The following PTPRD variants were observed in gnomAD, a reference collection of about 807,000 sequenced individuals.
PTPRD encodes the protein protein tyrosine phosphatase receptor type D, also known as receptor-type tyrosine-protein phosphatase delta.
In PTPRD, 34 loss-of-function variants were observed where a neutral mutation model predicts 214.5. That is an observed-to-expected ratio of 0.16 (90% confidence interval 0.12 to 0.21). The LOEUF (loss-of-function observed/expected upper bound fraction) is 0.21, where lower values mean the gene tolerates loss of function less well. PTPRD is among the 10% of genes least tolerant of loss of function. The pLI, the probability that PTPRD is intolerant of heterozygous loss-of-function variation, is 1.00. For synonymous variants in PTPRD, 1,128 were observed against 845.7 expected (o/e 1.33, Z -5.79); for missense variants, 2,545 against 2,398.7 (o/e 1.06, Z -1.27).
chr9:10,211,649 C>T (rs1454484516), intron 3 of PTPRD, among the ~76,000 whole-genome samples: 1 of 152,086 alleles, frequency 6.6e-6, no homozygotes, highest in East Asian at 1.9e-4. Context: ...TCTTTTGCCC[C>T]AACATGGATG....
chr9:9,163,933 T>G (rs2099895983), intron 10 of PTPRD, among the ~76,000 whole-genome samples: 1 of 152,188 alleles, frequency 6.6e-6, no homozygotes, highest in Non-Finnish European at 1.5e-5. Context: ...CTTCAAGTCT[T>G]ATGTTACATA....
At chr9:9,340,920 T>C (rs1596044463) in intron 9 of PTPRD, among the ~76,000 whole-genome samples, 1 of 152,172 alleles carries the variant, frequency 6.6e-6, no homozygotes, top group East Asian at 1.9e-4. Context: ...ACAGTGATAG[T>C]AACAGCAGTT....
At chr9:8,757,128 T>G (rs1021142791) in intron 11 of PTPRD, among the ~76,000 whole-genome samples, 4 of 152,140 alleles carry the variant, frequency 2.6e-5, no homozygotes, top group African/African-American at 9.6e-5. Flanking sequence ...GGCAACAGAG[T>G]GAGACTCCAT....
chr9:8,968,110 T>C (rs546048018), intron 11 of PTPRD, among the ~76,000 whole-genome samples: 1 of 152,242 alleles, frequency 6.6e-6, no homozygotes, highest in Non-Finnish European at 1.5e-5. Context: ...CTGCATAGTA[T>C]TCCACGGTGT....
At chr9:9,243,803 G>A (rs556625839) in intron 9 of PTPRD, among the ~76,000 whole-genome samples, 2 of 152,266 alleles carry the variant, frequency 1.3e-5, no homozygotes, top group African/African-American at 4.8e-5. Context: ...TATCAGGCAG[G>A]AGAATGAAGT....
chr9:9,228,305 C>T (rs913918635), intron 9 of PTPRD, among the ~76,000 whole-genome samples: 1 of 151,928 alleles, frequency 6.6e-6, no homozygotes, highest in Non-Finnish European at 1.5e-5. Flanking sequence ...TAGAAACTCC[C>T]AGATGGAATA....
chr9:9,405,578 A>C (rs1208265966), intron 8 of PTPRD, among the ~76,000 whole-genome samples: 1 of 152,060 alleles, frequency 6.6e-6, no homozygotes, highest in African/African-American at 2.4e-5. Flanking sequence ...TCAATTAATA[A>C]AATTGTAAAT....
At chr9:9,598,513 T>C (rs933501893) in intron 7 of PTPRD, among the ~76,000 whole-genome samples, 2 of 151,990 alleles carry the variant, frequency 1.3e-5, no homozygotes, top group African/African-American at 2.4e-5. Flanking sequence ...AAAATGTTCA[T>C]GGTAGAAAAT....
chr9:10,168,916 G>A (rs2099179015), intron 3 of PTPRD, among the ~76,000 whole-genome samples: 1 of 152,204 alleles, frequency 6.6e-6, no homozygotes, highest in African/African-American at 2.4e-5. Context: ...TTAATTCTTT[G>A]TTTGTTTCCC....
intron 2 of PTPRD, among the ~76,000 whole-genome samples, chr9:10,596,038 T>G (rs1015427507): frequency 6.6e-6 from 1 of 151,804 alleles, no homozygotes; most frequent in Non-Finnish European, 1.5e-5. Context: ...ATCCACCAGT[T>G]ATATACACAC....
intron 7 of PTPRD, among the ~76,000 whole-genome samples, chr9:9,643,334 A>C (rs374595929): frequency 3.3e-5 from 5 of 152,308 alleles, no homozygotes; most frequent in East Asian, 1.9e-4. Context: ...TTGCATAGAA[A>C]GCCCTAGGCT....
chr9:8,826,632 C>CTTTTTT (rs33934836), intron 11 of PTPRD, among the ~76,000 whole-genome samples: 3 of 145,340 alleles, frequency 2.1e-5, no homozygotes, highest in Non-Finnish European at 3.0e-5. Flanking sequence ...CAGGCACCAT[C>CTTTTTT]TTTTTTTTTT....
intron 7 of PTPRD, among the ~76,000 whole-genome samples, chr9:9,690,378 A>G (rs2097248980): frequency 6.6e-6 from 1 of 151,918 alleles, no homozygotes; most frequent in Non-Finnish European, 1.5e-5. Flanking sequence ...TATTCTGATT[A>G]TTAGTTCCTT....
intron 39 of PTPRD, among the ~76,000 whole-genome samples, chr9:8,353,439 TG>T (rs2076054322): frequency 6.6e-6 from 1 of 152,138 alleles, no homozygotes; most frequent in Non-Finnish European, 1.5e-5. Flanking sequence ...AATGAATGAA[TG>T]AATGAATGAG....
chr9:8,648,848 T>C (rs568641639), intron 12 of PTPRD, among the ~76,000 whole-genome samples: 2 of 152,352 alleles, frequency 1.3e-5, no homozygotes, highest in African/African-American at 4.8e-5. Flanking sequence ...AGCATCTTTT[T>C]GTAGAGTTAG....
chr9:10,377,800 C>T (rs1271561031), intron 2 of PTPRD, among the ~76,000 whole-genome samples: 2 of 152,008 alleles, frequency 1.3e-5, no homozygotes, highest in Admixed American at 6.6e-5. Context: ...TTTCTTTATC[C>T]ATTCATCTAC....
At chr9:8,457,478 T>C (rs1316261429) in intron 33 of PTPRD, among the ~76,000 whole-genome samples, 9 of 152,228 alleles carry the variant, frequency 5.9e-5, no homozygotes, top group Non-Finnish European at 1.0e-4. Flanking sequence ...TGATTATCAA[T>C]GTATTATAGG....
intron 7 of PTPRD, among the ~76,000 whole-genome samples, chr9:9,606,760 C>A (rs1052946258): frequency 1.1e-4 from 17 of 151,660 alleles, no homozygotes; most frequent in African/African-American, 4.1e-4. Context: ...GAAGTTCTTA[C>A]TAAATGGGTA....
At chr9:10,278,203 TA>T (rs1048508184) in intron 3 of PTPRD, among the ~76,000 whole-genome samples, 2 of 151,978 alleles carry the variant, frequency 1.3e-5, no homozygotes, top group African/African-American at 4.8e-5. Context: ...TTGTGGCCTC[TA>T]GGAACAAATA....
Sources: gnomAD v4.1 joint callset for allele counts (sites outside exome capture counted in the v4.1 genomes callset) on GRCh38, gnomAD v4.1.1 for gene constraint, MANE v1.5 for transcripts, NCBI Gene and HGNC (gene_info 2026-07-23, HGNC 2026-07-21) for gene names.